RGS6: variants seen among roughly 807,000 people sequenced by gnomAD.
RGS6 encodes regulator of G-protein signaling 6.
Under a neutral mutation model 78.5 loss-of-function variants are expected in RGS6, and 30 were observed. The ratio of observed to expected loss-of-function variants is 0.38; its 90% confidence interval spans 0.29 to 0.52. The LOEUF (loss-of-function observed/expected upper bound fraction) is 0.52. Ranked by LOEUF, RGS6 falls within the 20% of genes least tolerant of loss-of-function variation. RGS6 has a pLI of 0.85. For synonymous variants in RGS6, 206 were observed against 206.0 expected (o/e 1.00, Z 0.00); for missense variants, 495 against 609.7 (o/e 0.81, Z 1.98).
chr14:72,176,007 G>C (rs2097100609), intron 2 of RGS6, among the ~76,000 whole-genome samples: 1 of 152,150 alleles, frequency 6.6e-6, no homozygotes, highest in South Asian at 2.1e-4. Flanking sequence ...CTCCATCTCA[G>C]AGCTTATTGG....
At chr14:72,417,490 C>T (rs1390108888) in intron 3 of RGS6, among the ~76,000 whole-genome samples, 9 of 151,558 alleles carry the variant, frequency 5.9e-5, no homozygotes, top group Non-Finnish European at 1.0e-4. Context: ...CTTTTTTTTT[C>T]CCCCAGATAG....
intron 3 of RGS6, among the ~76,000 whole-genome samples, chr14:72,388,243 CATACACATATATAT>C (rs1216889647): frequency 6.6e-6 from 1 of 151,554 alleles, no homozygotes; most frequent in Non-Finnish European, 1.5e-5. Flanking sequence ...AACACACACA[CATACACATATATAT>C]ATACACATAT....
chr14:72,253,751 G>T (rs1881349590), intron 2 of RGS6, among the ~76,000 whole-genome samples: 1 of 152,176 alleles, frequency 6.6e-6, no homozygotes, highest in East Asian at 1.9e-4. Flanking sequence ...TCTGAGTCTT[G>T]AGAGATACCA....
At chr14:72,405,435 A>G (rs1218989886) in intron 3 of RGS6, among the ~76,000 whole-genome samples, 2 of 152,174 alleles carry the variant, frequency 1.3e-5, no homozygotes, top group Non-Finnish European at 2.9e-5. Flanking sequence ...AGGACATCAA[A>G]CACAGCAAAG....
In RGS6 at chr14:72,541,477, A is replaced by G. The variant is rs562667528; in HGVS notation, c.1422+1383A>G. On this transcript the variant is annotated intron_variant, in intron 17 of 17. Coordinates refer to ENST00000553525, the MANE Select transcript of RGS6 (RefSeq NM_001204424.2). The stretch of plus-strand genomic sequence containing the variant: ...TTCCTCATGAGAAATCAGAATGTGC[A>G]GAACACAAGGCCTGCGGGTGCCTGG... 4.6e-6 allele frequency: 7 copies of G among 1,535,702 alleles called. No individual in the cohort carries two copies. The African/African-American group carries it at 6.8e-5, about 15-fold the overall frequency.
intron 3 of RGS6, among the ~76,000 whole-genome samples, chr14:72,381,867 C>T (rs565387365): frequency 6.6e-6 from 1 of 152,034 alleles, no homozygotes; most frequent in South Asian, 2.1e-4. Flanking sequence ...AAAATAAGAG[C>T]ATGCAAATTG....
intron 3 of RGS6, among the ~76,000 whole-genome samples, chr14:72,450,583 G>A (rs2095469325): frequency 6.6e-6 from 1 of 152,162 alleles, no homozygotes; most frequent in Non-Finnish European, 1.5e-5. Flanking sequence ...TGGCCATCCT[G>A]CATTTGTTAT....
chr14:72,500,567 C>T (rs1164967498), intron 13 of RGS6, among the ~76,000 whole-genome samples: 1 of 152,182 alleles, frequency 6.6e-6, no homozygotes, highest in Non-Finnish European at 1.5e-5. Flanking sequence ...CTCAAGATAA[C>T]AAATGTAGCA....
At chr14:72,007,019 C>T (rs955792279) in intron 2 of RGS6, among the ~76,000 whole-genome samples, 5 of 149,550 alleles carry the variant, frequency 3.3e-5, no homozygotes, top group South Asian at 2.2e-4. Flanking sequence ...ATCTTTGTTA[C>T]GTAGTGGCAA....
intron 2 of RGS6, among the ~76,000 whole-genome samples, chr14:72,035,329 G>A (rs1000533450): frequency 1.3e-5 from 2 of 150,098 alleles, no homozygotes; most frequent in Non-Finnish European, 3.0e-5. Context: ...TTGGACATCA[G>A]GTATAATATC....
chr14:71,976,338 G>C (rs2094127081), intron 2 of RGS6, among the ~76,000 whole-genome samples: 1 of 149,406 alleles, frequency 6.7e-6, no homozygotes, highest in Non-Finnish European at 1.5e-5. Context: ...GTATACATGT[G>C]CCATGCTGGT....
chr14:72,113,613 A>T (rs1190959532), intron 2 of RGS6, among the ~76,000 whole-genome samples: 1 of 152,208 alleles, frequency 6.6e-6, no homozygotes, highest in Non-Finnish European at 1.5e-5. Flanking sequence ...TTAGTTAATT[A>T]TTATTGCCCA....
At chr14:72,581,249 G>A in the RGS6 span, among the ~76,000 whole-genome samples, 1 of 152,120 alleles carries the variant, frequency 6.6e-6, no homozygotes, top group Non-Finnish European at 1.5e-5. Flanking sequence ...ACCTGCTGCT[G>A]CTTGGGGTTC....
At chr14:72,138,291 T>C (rs1479758100) in intron 2 of RGS6, among the ~76,000 whole-genome samples, 2 of 152,022 alleles carry the variant, frequency 1.3e-5, no homozygotes, top group Non-Finnish European at 2.9e-5. Context: ...CCTGCGGAGA[T>C]GGAGAAGTTT....
chr14:72,107,274 C>T (rs976719001), intron 2 of RGS6, among the ~76,000 whole-genome samples: 3 of 152,004 alleles, frequency 2.0e-5, no homozygotes, highest in Non-Finnish European at 2.9e-5. Context: ...TAGGTTTAAA[C>T]GTAGTGGAAG....
chr14:72,085,211 T>G (rs2094978648), intron 2 of RGS6, among the ~76,000 whole-genome samples: 1 of 152,210 alleles, frequency 6.6e-6, no homozygotes, highest in African/African-American at 2.4e-5. Context: ...GATATTAACA[T>G]TTATCGACCA....
At chr14:72,153,850 T>C (rs1290854328) in intron 2 of RGS6, among the ~76,000 whole-genome samples, 1 of 152,160 alleles carries the variant, frequency 6.6e-6, no homozygotes, top group East Asian at 1.9e-4. Flanking sequence ...TGTTCAGTGG[T>C]GCACGTATTA....
Position 72,458,262 on chromosome 14 carries a change from T to A in RGS6, c.236-9T>A. 1 of 1,606,408 alleles carries A rather than the reference T, an allele frequency of 6.2e-7. No individual in the cohort carries two copies. Among genetic ancestry groups the A allele is most frequent in the South Asian group, 1.1e-5 (1 of 90,782 alleles). ...TAATTCCTTCTCTCTCTATGCACTGTTCTTACAGTTGAAGCAATACACTTG... is the reference window on the plus strand; with the variant it reads ...TAATTCCTTCTCTCTCTATGCACTGATCTTACAGTTGAAGCAATACACTTG... On this transcript the variant is annotated splice_polypyrimidine_tract_variant and intron_variant, in intron 4 of 17. Coordinates refer to ENST00000553525, the MANE Select transcript of RGS6 (RefSeq NM_001204424.2).
At position 72,051,048 on chromosome 14, in the gene RGS6, A is replaced by G. The variant is rs932132117; in HGVS notation, c.84+86173A>G. On this transcript the variant is annotated intron_variant, in intron 2 of 17. Transcript: ENST00000553525. ...TTGTTATCCATGTACATCTTTTGAA[A>G]CTGAAAAAATGGTGATCAGATGATT... 5.3e-5 allele frequency among the ~76,000 whole-genome samples: 8 copies of G among 152,252 alleles called. No individual in the cohort carries two copies. In the East Asian group the frequency reaches 1.5e-3, roughly 29 times the overall value.
Sources: allele counts gnomAD v4.1 joint callset (sites outside exome capture counted in the v4.1 genomes callset), GRCh38; gene constraint gnomAD v4.1.1; transcripts MANE v1.5; gene names NCBI Gene and HGNC (gene_info 2026-07-23, HGNC 2026-07-21).